STXBP5L: variants seen among roughly 807,000 people sequenced by gnomAD.
STXBP5L encodes the protein syntaxin binding protein 5L.
Under a neutral mutation model 144.5 loss-of-function variants are expected in STXBP5L, and 65 were observed. The observed-to-expected ratio is 0.45, with a 90% confidence interval of 0.37 to 0.55. STXBP5L has a LOEUF of 0.55. Ranked by LOEUF, STXBP5L falls within the 20% of genes least tolerant of loss-of-function variation. STXBP5L has a pLI of 0.00. For synonymous variants in STXBP5L, 505 were observed against 469.6 expected (o/e 1.08, Z -0.97); for missense variants, 1,298 against 1,405.5 (o/e 0.92, Z 1.22).
chr3:121,348,304 A>C (rs965237436), intron 20 of STXBP5L, among the ~76,000 whole-genome samples: 1 of 152,150 alleles, frequency 6.6e-6, no homozygotes, highest in African/African-American at 2.4e-5. Flanking sequence ...CCAGGGATGA[A>C]GTCCACTTGA....
intron 5 of STXBP5L, among the ~76,000 whole-genome samples, chr3:121,103,150 C>G (rs893400134): frequency 6.6e-6 from 1 of 152,000 alleles, no homozygotes; most frequent in Non-Finnish European, 1.5e-5. Flanking sequence ...GGAGATTTCA[C>G]AAACAAAACT....
intron 18 of STXBP5L, among the ~76,000 whole-genome samples, chr3:121,264,753 A>G (rs780941963): frequency 1.3e-5 from 2 of 151,592 alleles, no homozygotes; most frequent in South Asian, 2.1e-4. Context: ...AAAGACACAC[A>G]TAGGCTCAAA....
At chr3:120,929,161 G>C (rs529304648) in intron 2 of STXBP5L, among the ~76,000 whole-genome samples, 1 of 152,146 alleles carries the variant, frequency 6.6e-6, no homozygotes, top group Non-Finnish European at 1.5e-5. Flanking sequence ...TTGTGAATGA[G>C]GGAGCTGCGG....
At chr3:121,183,707 C>T (rs550893357) in intron 9 of STXBP5L, among the ~76,000 whole-genome samples, 11 of 151,860 alleles carry the variant, frequency 7.2e-5, no homozygotes, top group East Asian at 1.9e-4. Flanking sequence ...GGCAAGGAAA[C>T]GAAAGCAAGG....
At chr3:121,037,019 T>C (rs183811710) in intron 3 of STXBP5L, among the ~76,000 whole-genome samples, 32 of 152,134 alleles carry the variant, frequency 2.1e-4, no homozygotes, top group Admixed American at 1.4e-3. Context: ...CTCAAACTCC[T>C]GGGCTCAGGC....
chr3:120,921,578 C>A (rs571545), intron 2 of STXBP5L, among the ~76,000 whole-genome samples: 35,350 of 151,776 alleles, frequency 0.23, 4,250 homozygotes, highest in Non-Finnish European at 0.26. Flanking sequence ...ATTTCTCCAG[C>A]ATTTTCTTCT....
intron 3 of STXBP5L, among the ~76,000 whole-genome samples, chr3:120,998,419 C>G (rs1220356128): frequency 6.6e-6 from 1 of 151,962 alleles, no homozygotes; most frequent in African/African-American, 2.4e-5. Flanking sequence ...TTTTGGGGTA[C>G]ATGTGCAGAA....
At chr3:121,200,543 C>G (rs2048099893) in intron 9 of STXBP5L, among the ~76,000 whole-genome samples, 1 of 151,966 alleles carries the variant, frequency 6.6e-6, no homozygotes. Context: ...TTTGCTCTTT[C>G]TTCTCTAGTT....
intron 20 of STXBP5L, among the ~76,000 whole-genome samples, chr3:121,349,761 C>T (rs1426368035): frequency 1.3e-5 from 2 of 152,008 alleles, no homozygotes; most frequent in Non-Finnish European, 2.9e-5. Flanking sequence ...TCTGTTTTAT[C>T]AGAGACTAGG....
At chr3:121,372,919 T>A (rs555974049) in intron 20 of STXBP5L, among the ~76,000 whole-genome samples, 1 of 152,224 alleles carries the variant, frequency 6.6e-6, no homozygotes, top group African/African-American at 2.4e-5. Flanking sequence ...GTTAAAATTT[T>A]AAAAATTAAA....
At chr3:121,237,136 G>T (rs187900145) in intron 12 of STXBP5L, among the ~76,000 whole-genome samples, 54 of 152,220 alleles carry the variant, frequency 3.5e-4, no homozygotes, top group African/African-American at 1.2e-3. Flanking sequence ...GTTGCACACT[G>T]CTGGCGGCTC....
chr3:121,244,534 A>T (rs1214134736), intron 14 of STXBP5L, among the ~76,000 whole-genome samples: 1 of 152,080 alleles, frequency 6.6e-6, no homozygotes, highest in Non-Finnish European at 1.5e-5. Flanking sequence ...ATGGTCAAAA[A>T]TTTCCCAAGT....
At chr3:121,007,510 A>G (rs1477971341) in intron 3 of STXBP5L, among the ~76,000 whole-genome samples, 1 of 152,064 alleles carries the variant, frequency 6.6e-6, no homozygotes, top group East Asian at 1.9e-4. Flanking sequence ...CCATTTGGGT[A>G]TGAATTTTTT....
At position 121,089,243 on chromosome 3, in the gene STXBP5L, T is replaced by C. The variant is rs375920688; in HGVS notation, c.471-25682T>C. ...TTTTAAAAGTTTCTTCTATTAGATA[T>C]TTTTCTGTTTAGAAAACTCCATAAA... On this transcript the variant is annotated intron_variant, in intron 5 of 26. Transcript: ENST00000471454. Among the ~76,000 whole-genome samples the C allele has an allele frequency of 3.3e-5, 5 of 151,880 alleles. No individual in the cohort carries two copies. The East Asian group carries it at 9.6e-4, about 29-fold the overall frequency.
At chr3:121,281,847 GCTTT>G in intron 19 of STXBP5L, among the ~76,000 whole-genome samples, 1 of 151,718 alleles carries the variant, frequency 6.6e-6, no homozygotes. Flanking sequence ...GAAATCTTTA[GCTTT>G]CTTTTTAATT....
At chr3:120,932,763 C>T (rs111705096) in intron 2 of STXBP5L, among the ~76,000 whole-genome samples, 2 of 152,112 alleles carry the variant, frequency 1.3e-5, no homozygotes, top group African/African-American at 2.4e-5. Flanking sequence ...TTTATTGCGG[C>T]ACTATTCACA....
intron 5 of STXBP5L, among the ~76,000 whole-genome samples, chr3:121,092,554 A>G (rs1291890052): frequency 2.0e-5 from 3 of 152,196 alleles, no homozygotes; most frequent in East Asian, 1.9e-4. Context: ...GAGTTCATTC[A>G]TGATTTGGCT....
At chr3:120,976,418 A>G (rs189036967) in intron 3 of STXBP5L, among the ~76,000 whole-genome samples, 3 of 152,044 alleles carry the variant, frequency 2.0e-5, no homozygotes, top group African/African-American at 4.8e-5. Flanking sequence ...CATTGTGTCT[A>G]TTTGATTCTT....
intron 9 of STXBP5L, among the ~76,000 whole-genome samples, chr3:121,196,866 TGAGA>T (rs924309402): frequency 2.0e-5 from 3 of 151,452 alleles, no homozygotes; most frequent in African/African-American, 7.3e-5. Flanking sequence ...ATTGATTGAT[TGAGA>T]CAGGGTCTAC....
Sources: allele counts gnomAD v4.1 joint callset (sites outside exome capture counted in the v4.1 genomes callset), GRCh38; gene constraint gnomAD v4.1.1; transcripts MANE v1.5; gene names NCBI Gene and HGNC (gene_info 2026-07-23, HGNC 2026-07-21).